The following DACH2 variants were observed in gnomAD, a reference collection of about 807,000 sequenced individuals.
DACH2 encodes dachshund homolog 2.
A neutral mutation model predicts 35.8 loss-of-function variants in DACH2; 17 were observed. The ratio of observed to expected loss-of-function variants is 0.48; its 90% CI spans 0.33 to 0.71. The LOEUF is 0.71. DACH2 is among the 30% of genes least tolerant of loss of function. The pLI is 0.02. For missense variants in DACH2, 469 were observed against 472.7 expected (o/e 0.99, Z 0.07); for synonymous variants, 195 against 177.3 (o/e 1.10, Z -0.79).
rs551353364 is a variant in DACH2 at position 86,556,827 on chromosome X, G to GAGAGAGA, written c.640+42439_640+42440insGAGAAGA. 3.1e-3 allele frequency among the ~76,000 whole-genome samples: 263 copies of GAGAGAGA among 85,225 alleles called. 2 individuals carry two copies. Among genetic ancestry groups the GAGAGAGA allele is most frequent in the Non-Finnish European group, 4.4e-3 (186 of 42,312 alleles). 74.0% of individuals were successfully genotyped at this position (85,225 alleles called of 115,157 possible). A position where few individuals can be genotyped will look rare whatever the true frequency, so the allele number is the denominator to read the frequency against. On this transcript the variant is annotated intron_variant, in intron 3 of 11. Transcript: ENST00000373125. ...AGAGAGAGAGAGAGAGAGAGAGAGA[G>GAGAGAGA]AGAAGAAGAAATGTACTACGGGAAT...
At chrX:86,540,071 G>A (rs1397040876) in intron 3 of DACH2, among the ~76,000 whole-genome samples, 2 of 111,567 alleles carry the variant, frequency 1.8e-5, no homozygotes, top group South Asian at 3.7e-4. Flanking sequence ...TCAAAATAAT[G>A]TTATGTTTAG....
At chrX:86,415,525 A>C (rs754797119) in intron 2 of DACH2, among the ~76,000 whole-genome samples, 2 of 112,009 alleles carry the variant, frequency 1.8e-5, no homozygotes, top group South Asian at 7.4e-4. Flanking sequence ...ATCACAATGA[A>C]TTTTTTATTT....
At chrX:86,779,904 A>T in intron 7 of DACH2, among the ~76,000 whole-genome samples, 1 of 111,598 alleles carries the variant, frequency 9.0e-6, no homozygotes, top group East Asian at 2.8e-4. Context: ...GCCCCAATAA[A>T]GCACTTTGGC....
chrX:86,635,651 C>T (rs2148392564), intron 3 of DACH2, among the ~76,000 whole-genome samples: 1 of 111,714 alleles, frequency 9.0e-6, no homozygotes, highest in South Asian at 3.8e-4. Flanking sequence ...GGCCCAAAAG[C>T]TCCTTAAGCT....
intron 1 of DACH2, among the ~76,000 whole-genome samples, chrX:86,200,857 C>T (rs2032135848): frequency 9.0e-6 from 1 of 111,133 alleles, no homozygotes; most frequent in Admixed American, 9.6e-5. Flanking sequence ...TTAGGTCAAC[C>T]ATTGTGGAAA....
intron 1 of DACH2, among the ~76,000 whole-genome samples, chrX:86,198,658 A>T (rs910212888): frequency 4.5e-5 from 5 of 111,771 alleles, no homozygotes; most frequent in African/African-American, 1.6e-4. Flanking sequence ...TAAACCAGAA[A>T]ATCTAGAAGA....
At chrX:86,360,559 C>G (rs1051285710) in intron 1 of DACH2, among the ~76,000 whole-genome samples, 2 of 111,318 alleles carry the variant, frequency 1.8e-5, no homozygotes, top group Admixed American at 1.9e-4. Flanking sequence ...TTTATCATAT[C>G]AACCCAATAC....
chrX:86,545,419 TA>T (rs201907211), intron 3 of DACH2, among the ~76,000 whole-genome samples: 1 of 110,598 alleles, frequency 9.0e-6, no homozygotes. Context: ...AGGGTGAAGA[TA>T]AAAAAAACTA....
chrX:86,187,601 T>C (rs923836050), intron 1 of DACH2, among the ~76,000 whole-genome samples: 1 of 110,435 alleles, frequency 9.1e-6, no homozygotes, highest in Non-Finnish European at 1.9e-5. Context: ...TATTTTTGAA[T>C]TTTTAGTAGA....
intron 3 of DACH2, among the ~76,000 whole-genome samples, chrX:86,582,988 A>G (rs1013460008): frequency 9.0e-6 from 1 of 111,369 alleles, no homozygotes; most frequent in Non-Finnish European, 1.9e-5. Context: ...AACCGAATTC[A>G]GTAGCACATC....
At chrX:86,786,748 A>C (rs1353805644) in intron 7 of DACH2, among the ~76,000 whole-genome samples, 4 of 112,307 alleles carry the variant, frequency 3.6e-5, no homozygotes, top group African/African-American at 1.3e-4. Flanking sequence ...AACAAATTTA[A>C]GATTACTGCA....
At chrX:86,252,989 G>T (rs1569317491) in intron 1 of DACH2, among the ~76,000 whole-genome samples, 4 of 110,855 alleles carry the variant, frequency 3.6e-5, no homozygotes, top group Non-Finnish European at 7.6e-5. Context: ...ACTGTTTGCA[G>T]ATGATATGAT....
At chrX:86,324,343 C>A (rs1602404113) in intron 1 of DACH2, among the ~76,000 whole-genome samples, 2 of 111,111 alleles carry the variant, frequency 1.8e-5, no homozygotes, top group Admixed American at 1.9e-4. Context: ...ACAGTGGTTT[C>A]TTGAGATGGA....
At chrX:86,456,556 G>A (rs939984649) in intron 2 of DACH2, among the ~76,000 whole-genome samples, 9 of 110,837 alleles carry the variant, frequency 8.1e-5, no homozygotes, top group Non-Finnish European at 1.5e-4. Context: ...ATGTTTATAT[G>A]TTTTAATAAT....
At chrX:86,432,829 C>A (rs1004801488) in intron 2 of DACH2, among the ~76,000 whole-genome samples, 1 of 112,257 alleles carries the variant, frequency 8.9e-6, no homozygotes, top group African/African-American at 3.2e-5. Context: ...TAGTTAAAAG[C>A]TGTGCTTGTG....
At chrX:86,309,132 C>G (rs751293014) in intron 1 of DACH2, among the ~76,000 whole-genome samples, 1 of 111,935 alleles carries the variant, frequency 8.9e-6, no homozygotes, top group South Asian at 3.8e-4. Flanking sequence ...GAGATTAGTG[C>G]CACCATTAAG....
At chrX:86,746,279 T>C (rs894451909) in intron 7 of DACH2, among the ~76,000 whole-genome samples, 2 of 111,300 alleles carry the variant, frequency 1.8e-5, no homozygotes, top group Non-Finnish European at 3.8e-5. Context: ...AGGAGTGAAA[T>C]TGATGTGTCT....
intron 3 of DACH2, among the ~76,000 whole-genome samples, chrX:86,591,863 T>A: frequency 9.0e-6 from 1 of 111,327 alleles, no homozygotes; most frequent in Non-Finnish European, 1.9e-5. Flanking sequence ...AATTTGATTG[T>A]TTATTTTCTT....
chrX:86,387,451 G>C (rs192964320), intron 2 of DACH2, among the ~76,000 whole-genome samples: 2 of 111,547 alleles, frequency 1.8e-5, no homozygotes, highest in East Asian at 5.7e-4. Context: ...GCTGGAATTT[G>C]TCTTTGGAAA....
Sources: gnomAD v4.1 joint callset for allele counts (sites outside exome capture counted in the v4.1 genomes callset) on GRCh38, gnomAD v4.1.1 for gene constraint, MANE v1.5 for transcripts, NCBI Gene and HGNC (gene_info 2026-07-23, HGNC 2026-07-21) for gene names.